The following SIRT2 variants were observed in gnomAD, a reference collection of about 807,000 sequenced individuals.
The protein encoded by SIRT2 is NAD-dependent protein deacetylase sirtuin-2.
A neutral mutation model predicts 57.4 loss-of-function variants in SIRT2; 40 were observed. The ratio of observed to expected loss-of-function variants is 0.70; its 90% CI spans 0.54 to 0.91. The LOEUF is 0.91. Among genes scored for constraint, SIRT2 ranks in the 40% least tolerant of loss-of-function variants. The pLI is 0.00. For missense variants in SIRT2, 439 were observed against 510.4 expected (o/e 0.86, Z 1.35); for synonymous variants, 161 against 195.7 (o/e 0.82, Z 1.48).
chr19:38,880,694 T>C lies in SIRT2; in HGVS notation c.867A>G (p.Lys289=). The C allele has an allele frequency of 6.4e-7, 1 of 1,573,026 alleles. No homozygotes were observed. The highest frequency in any genetic ancestry group is 8.6e-7 in the Non-Finnish European group (1 of 1,156,730). The change falls in exon 13 of 16, where the codon AAA becomes AAG. Residue 289 remains lysine, a synonymous_variant. Transcript: ENST00000249396. This position sits in a 1 kb window ranked among gnomAD's most constrained non-coding sequence, Gnocchi z 4.1. ...STPRLLINKE[K]AGQSDPFLGM... ...GAAGAAGGGCTCTTACCTGGCCAGC[T>C]TTCTCCTTGTTGATGAGCAGGCGAG...
intron 2 of SIRT2, chr19:38,894,888 G>A (rs759086130): frequency 3.1e-5 from 14 of 455,838 alleles, no homozygotes. Context: ...CCATCTCTCT[G>A]CCCTCAGATC....
At chr19:38,888,609 G>T (rs1423407926) in intron 8 of SIRT2, among the ~76,000 whole-genome samples, 1 of 152,192 alleles carries the variant, frequency 6.6e-6, no homozygotes, top group East Asian at 1.9e-4. Flanking sequence ...TTATAATTGG[G>T]CAAAGCACAA....
Position 38,879,504 on chromosome 19 carries a change from C to T in SIRT2, c.948-4G>A, listed in dbSNP as rs117253061. The stretch of plus-strand genomic sequence containing the variant: ...TTCACCCAGCCAGGCCACGTCCCTG[C>T]GGTGCAGCAGGAGATCAGAGTTCCC... On this transcript the variant is annotated splice_region_variant and splice_polypyrimidine_tract_variant and intron_variant, in intron 14 of 15. Coordinates refer to ENST00000249396, the MANE Select transcript of SIRT2 (RefSeq NM_012237.4). The T allele has an allele frequency of 0.015, 24,650 of 1,602,312 alleles. 228 individuals carry two copies. The highest frequency in any genetic ancestry group is 0.019 in the Non-Finnish European group (22,673 of 1,174,392).
chr19:38,888,950 G>A lies in SIRT2; in HGVS notation c.501+137C>T, dbSNP rs45526337. On this transcript the variant is annotated intron_variant, in intron 8 of 15. Coordinates refer to ENST00000249396, the MANE Select transcript of SIRT2 (RefSeq NM_012237.4). ...TCACGGCAGGTCATGCAGCAAGGAG[G>A]CAGTAGGCCAAGCCCTGGCCCCGCA... is the stretch of plus-strand genomic sequence containing the variant. 7.4e-3 allele frequency: 5,302 copies of A among 713,918 alleles called. 60 individuals are homozygous for A. The highest frequency in any genetic ancestry group is 0.04 in the African/African-American group (2,267 of 57,108). 44.2% of individuals were successfully genotyped at this position (713,918 alleles called of 1,614,324 possible).
rs530362341 is a variant in SIRT2 at position 38,891,558 on chromosome 19, A to C, written c.227-1414T>G. 2.0e-5 allele frequency among the ~76,000 whole-genome samples: 3 copies of C among 152,082 alleles called. No individual in the cohort carries two copies. The East Asian group carries it at 5.8e-4, about 29-fold the overall frequency. Reference sequence around the variant, plus strand: ...AGTGAGACTCTGTCTCAAAATAATAATAATAATAAATTTTTAGAGCAGTGA... The same window carrying C: ...AGTGAGACTCTGTCTCAAAATAATACTAATAATAAATTTTTAGAGCAGTGA... On this transcript the variant is annotated intron_variant, in intron 4 of 15. Coordinates refer to ENST00000249396, the MANE Select transcript of SIRT2 (RefSeq NM_012237.4).
chr19:38,899,269 AAC>A (rs1303935034), intron 1 of SIRT2, among the ~76,000 whole-genome samples: 3 of 152,104 alleles, frequency 2.0e-5, no homozygotes, highest in African/African-American at 4.8e-5. Context: ...AGGTGCGAGA[AAC>A]ACGCGATCAT....
rs777560427 is a variant in SIRT2 at position 38,898,383 on chromosome 19, G to A, written c.59C>T (p.Ala20Val). The change falls in exon 2 of 16, where the codon GCT (alanine) becomes GTT (valine). Residue 20 changes from alanine (A) to valine (V), a missense_variant. Coordinates refer to ENST00000249396, the MANE Select transcript of SIRT2 (RefSeq NM_012237.4). ...LETQAGKVQEAQDSDSDSEGG... is the reference protein window; with the variant it reads ...LETQAGKVQEVQDSDSDSEGG... Reference sequence around the variant, plus strand: ...CCACCCTTTCCCCCATCTCACCTGAGCCTCCTGCACCTTCCCTGCCTGGGT... The same window carrying A: ...CCACCCTTTCCCCCATCTCACCTGAACCTCCTGCACCTTCCCTGCCTGGGT... 4.6e-6 allele frequency: 7 copies of A among 1,538,440 alleles called. No individual in the cohort carries two copies. The South Asian group carries it at 7.4e-5, about 16-fold the overall frequency.
Position 38,894,052 on chromosome 19 carries a change from T to C in SIRT2, c.64-185A>G, listed in dbSNP as rs938151107. The C allele has an allele frequency of 4.7e-6, 6 of 1,281,844 alleles. No individual in the cohort carries two copies. The Admixed American group carries it at 1.2e-4, about 25-fold the overall frequency. 79.4% of individuals were successfully genotyped at this position (1,281,844 alleles called of 1,614,324 possible). On this transcript the variant is annotated intron_variant, in intron 2 of 15. Transcript: ENST00000249396. Reference sequence around the variant, plus strand: ...GGACAGGCTGCCGGGGTTGGAGTCCTGGCCATGCCCGTCCCCAGGAGCAAG... The same window carrying C: ...GGACAGGCTGCCGGGGTTGGAGTCCCGGCCATGCCCGTCCCCAGGAGCAAG...
rs1415160764 is a variant in SIRT2, at chr19:38,879,465, C to T, written c.983G>A (p.Cys328Tyr). The T allele has an allele frequency of 6.2e-7, 1 of 1,603,014 alleles. No individual in the cohort carries two copies. The highest frequency in any genetic ancestry group is 8.5e-7 in the Non-Finnish European group (1 of 1,174,752). Reference protein sequence around the residue: ...VAWLGECDQGCLALAELLGWK... With the variant: ...VAWLGECDQGYLALAELLGWK... The stretch of plus-strand genomic sequence containing the variant: ...TCCAAGGAGCTCAGCAAGGGCCAGG[C>T]AGCCCTGGTCGCATTCACCCAGCCA... The change falls in exon 15 of 16, where the codon TGC becomes TAC. Residue 328 changes from cysteine (C) to tyrosine (Y), a missense_variant. Cys to Tyr is a radical substitution (Grantham distance 194). Coordinates refer to ENST00000249396, the MANE Select transcript of SIRT2 (RefSeq NM_012237.4).
chr19:38,888,934 G>A (rs1398764496), intron 8 of SIRT2, among the ~76,000 whole-genome samples, 153 bp downstream of exon 8: 1 of 152,244 alleles, frequency 6.6e-6, no homozygotes. Flanking sequence ...CTCACGGCAG[G>A]TCATGCAGCA....
Position 38,898,430 on chromosome 19 carries a change from G to A in SIRT2, c.17-5C>T. ...GGGTCTCCAGAGGGTGAGAGGCTGGGGGAGGGGAGCAGAGGTGGTTACAGT... is the reference window on the plus strand; with the variant it reads ...GGGTCTCCAGAGGGTGAGAGGCTGGAGGAGGGGAGCAGAGGTGGTTACAGT... On this transcript the variant is annotated splice_polypyrimidine_tract_variant and splice_region_variant and intron_variant, in intron 1 of 15. Coordinates refer to ENST00000249396, the MANE Select transcript of SIRT2 (RefSeq NM_012237.4). 1 of 1,532,180 alleles carries A rather than the reference G, an allele frequency of 6.5e-7. No homozygotes were observed. Among genetic ancestry groups the A allele is most frequent in the Non-Finnish European group, 8.9e-7 (1 of 1,129,708 alleles). The allele number at this position is 1,532,180 out of a possible 1,614,324, so 94.9% of individuals were successfully genotyped here. A position where few individuals can be genotyped will look rare whatever the true frequency, so the allele number is the denominator to read the frequency against.
In SIRT2 at chr19:38,889,922, A is replaced by C; in HGVS notation, c.308T>G (p.Leu103Arg). The change falls in exon 6 of 16, where the codon CTC becomes CGC. Residue 103 changes from leucine to arginine, a missense_variant. Transcript: ENST00000249396. ...IPDFRSPSTG[L>R]YDNLEKYHLP... The stretch of plus-strand genomic sequence containing the variant: ...ATGGTACTTCTCTAGGTTGTCATAG[A>C]GGCCGGTGGATGGAGAGCGAAAGTC... 6.2e-7 allele frequency: 1 copy of C among 1,614,136 alleles called. No individual in the cohort carries two copies. The highest frequency in any genetic ancestry group is 8.5e-7 in the Non-Finnish European group (1 of 1,180,016).
intron 2 of SIRT2, chr19:38,894,785 ACT>A: frequency 2.2e-6 from 1 of 455,424 alleles, no homozygotes. Flanking sequence ...GGTCTCTGGG[ACT>A]CTGTCCAGGG....
chr19:38,890,360 C>T (rs182177110), intron 4 of SIRT2, among the ~76,000 whole-genome samples: 147 of 152,320 alleles, frequency 9.7e-4, no homozygotes, highest in African/African-American at 3.3e-3. Context: ...GAAGAAGTCA[C>T]ACAATCAACT....
At chr19:38,881,349 G>A in intron 10 of SIRT2, 83 bp downstream of exon 10, 7 of 1,312,944 alleles carry the variant, frequency 5.3e-6, no homozygotes, top group Non-Finnish European at 7.7e-6. Flanking sequence ...GATGTGTGCG[G>A]GTGTGGCCTT....
At chr19:38,892,873 T>C (rs1973588630) in intron 4 of SIRT2, among the ~76,000 whole-genome samples, 1 of 152,086 alleles carries the variant, frequency 6.6e-6, no homozygotes, top group Non-Finnish European at 1.5e-5. Flanking sequence ...CCACTGCCCC[T>C]GGTCCTATAT....
intron 4 of SIRT2, 35 bp from the exon 5 acceptor site, chr19:38,890,179 G>C (rs201342205): frequency 1.2e-6 from 2 of 1,611,220 alleles, no homozygotes; most frequent in Non-Finnish European, 1.7e-6. Flanking sequence ...ATATGACACC[G>C]TTTGCTCAGT....
intron 4 of SIRT2, among the ~76,000 whole-genome samples, chr19:38,892,480 T>G (rs1973572676): frequency 6.6e-6 from 1 of 152,172 alleles, no homozygotes; most frequent in Non-Finnish European, 1.5e-5. Flanking sequence ...ATAAGCCTCC[T>G]GTAGTAATAA....
At chr19:38,893,614 T>C (rs1430342706) in intron 3 of SIRT2, 87 bp from the exon 4 acceptor site, 1 of 1,206,552 alleles carries the variant, frequency 8.3e-7, no homozygotes, top group Non-Finnish European at 1.2e-6. Context: ...AGCCCTGGGG[T>C]TCCCGGCCTC....
Sources: gnomAD v4.1 joint callset for allele counts (sites outside exome capture counted in the v4.1 genomes callset) on GRCh38, gnomAD v4.1.1 for gene constraint, Gnocchi (gnomAD v3.1) non-coding constraint, MANE v1.5 for transcripts, NCBI Gene and HGNC (gene_info 2026-07-23, HGNC 2026-07-21) for gene names.